Variants in DUOX1 observed in about 807,000 individuals in gnomAD.
DUOX1 encodes the protein dual oxidase 1.
DUOX1 carries 134 observed loss-of-function variants against 181.8 expected under a neutral mutation model. The ratio of observed to expected loss-of-function variants is 0.74; its 90% CI spans 0.64 to 0.85. DUOX1 has a LOEUF of 0.85. Among genes scored for constraint, DUOX1 ranks in the 40% least tolerant of loss-of-function variants. DUOX1 has a pLI of 0.00. For missense variants in DUOX1, 1,814 were observed against 2,064.4 expected (o/e 0.88, Z 2.35); for synonymous variants, 798 against 832.5 (o/e 0.96, Z 0.71).
At chr15:45,143,561 G>A (rs1284855843) in intron 16 of DUOX1, among the ~76,000 whole-genome samples, 1 of 152,108 alleles carries the variant, frequency 6.6e-6, no homozygotes. Context: ...TATGACTTAC[G>A]AATCCCTGGG....
intron 20 of DUOX1, 50 bp downstream of exon 20, chr15:45,148,047 G>C: frequency 6.5e-7 from 1 of 1,537,642 alleles, no homozygotes. Context: ...GGGATGCCAG[G>C]GCAAATAGAT....
intron 10 of DUOX1, 86 bp from the exon 11 acceptor site, chr15:45,138,980 A>G: frequency 2.4e-6 from 3 of 1,225,894 alleles, no homozygotes; most frequent in South Asian, 1.5e-5. Flanking sequence ...GCTCAGGGAT[A>G]AGGATGATGG....
intron 28 of DUOX1, among the ~76,000 whole-genome samples, chr15:45,159,368 C>T (rs868108677): frequency 6.6e-6 from 1 of 152,090 alleles, no homozygotes; most frequent in Non-Finnish European, 1.5e-5. Flanking sequence ...AGCGAGTGGC[C>T]CAAAGTGGGA....
chr15:45,147,302 C>T, intron 18 of DUOX1, 131 bp from the exon 19 acceptor site: 2 of 1,203,148 alleles, frequency 1.7e-6, no homozygotes, highest in Non-Finnish European at 2.3e-6. Flanking sequence ...CCTCAGGCAC[C>T]ACCATAAGGC....
chr15:45,140,376 C>T (rs1405670286), intron 12 of DUOX1: 1 of 225,660 alleles, frequency 4.4e-6, no homozygotes. Flanking sequence ...TCTTTAGCTT[C>T]AAATGGGCCT....
chr15:45,144,021 T>A lies in DUOX1; in HGVS notation c.1937-15T>A. 1 of 1,613,376 alleles carries A rather than the reference T, an allele frequency of 6.2e-7. No homozygotes were observed. The highest frequency in any genetic ancestry group is 1.6e-4 in the Middle Eastern group (1 of 6,062). On this transcript the variant is annotated splice_polypyrimidine_tract_variant and intron_variant, in intron 16 of 33. Coordinates refer to ENST00000389037, the MANE Select transcript of DUOX1 (RefSeq NM_175940.3). The stretch of plus-strand genomic sequence containing the variant: ...ATGGGTCCCAGCTGACGAAGCCCTG[T>A]CTCTCTCCCCCTAGCTTTGGAATGG...
chr15:45,139,668 A>G (rs962543610), intron 12 of DUOX1, 69 bp downstream of exon 12: 15 of 1,463,626 alleles, frequency 1.0e-5, no homozygotes, highest in Non-Finnish European at 1.3e-5. Flanking sequence ...GACATGGAAG[A>G]TAGGCAGTGA....
intron 9 of DUOX1, 143 bp downstream of exon 9, chr15:45,136,768 A>G (rs1285810350): frequency 1.4e-6 from 1 of 739,474 alleles, no homozygotes; most frequent in South Asian, 1.8e-5. Context: ...GAAGAAAACA[A>G]TTGTTTTAAA....
chr15:45,145,507 G>C (rs1172604493), intron 18 of DUOX1, among the ~76,000 whole-genome samples: 3 of 152,238 alleles, frequency 2.0e-5, no homozygotes, highest in African/African-American at 7.2e-5. Context: ...ACTTCTGAGA[G>C]AGACTGGGAG....
At chr15:45,163,743 C>T in intron 32 of DUOX1, 47 bp from the exon 33 acceptor site, 1 of 1,613,606 alleles carries the variant, frequency 6.2e-7, no homozygotes, top group Non-Finnish European at 8.5e-7. Flanking sequence ...TAGGAATTGA[C>T]CCTAGCTGTG....
In DUOX1 at chr15:45,134,132, C is replaced by T. The variant is rs761356493; in HGVS notation, c.143-13C>T. 1 of 1,547,398 alleles carries T rather than the reference C, an allele frequency of 6.5e-7. No homozygotes were observed. Among genetic ancestry groups the T allele is most frequent in the East Asian group, 2.3e-5 (1 of 43,874 alleles). ...CTGAAGATTCATCCTTATCCTTACC[C>T]CTCCTACCCCAGGCTCCCGGCTGCA... On this transcript the variant is annotated splice_polypyrimidine_tract_variant and intron_variant, in intron 3 of 33. Transcript: ENST00000389037.
At position 45,139,896 on chromosome 15, in the gene DUOX1, G is replaced by C. The variant is rs60484916; in HGVS notation, c.1389+297G>C. ...ACTGTTCTCTCCACCCTCCTGAGTG[G>C]GTATAGAAGGTCCTTGACTTAGGAA... On this transcript the variant is annotated intron_variant, in intron 12 of 33. Coordinates refer to ENST00000389037, the MANE Select transcript of DUOX1 (RefSeq NM_175940.3). 4,898 of 576,962 alleles carry C rather than the reference G, an allele frequency of 8.5e-3. 125 individuals are homozygous for C. The highest frequency in any genetic ancestry group is 0.054 in the African/African-American group (2,892 of 53,992). The allele number at this position is 576,962 out of a possible 1,614,324, so 35.7% of individuals were successfully genotyped here.
At chr15:45,136,724 G>A in intron 9 of DUOX1, 99 bp downstream of exon 9, 2 of 1,108,692 alleles carry the variant, frequency 1.8e-6, no homozygotes, top group Non-Finnish European at 2.7e-6. Context: ...TTATCAGTCT[G>A]AAGTGTCCCC....
Position 45,144,849 on chromosome 15 carries a change from A to G in DUOX1, c.2137-46A>G, listed in dbSNP as rs1451849920. 5.1e-6 allele frequency: 8 copies of G among 1,556,042 alleles called. No homozygotes were observed. The East Asian group carries it at 1.8e-4, about 35-fold the overall frequency. ...TAATCCACATAAACTGCCTAACCTC[A>G]AGAGGCCTTGGCAAATGGTTGCTTT... On this transcript the variant is annotated intron_variant, in intron 17 of 33. Transcript: ENST00000389037.
In DUOX1 at chr15:45,139,983, G is replaced by A. The variant is rs577807246; in HGVS notation, c.1389+384G>A. ...TTTCAGGAGTCAGCTGTTACACCCTGAGCTACCACCTGGACTGGTGGCCCA... is the reference window on the plus strand; with the variant it reads ...TTTCAGGAGTCAGCTGTTACACCCTAAGCTACCACCTGGACTGGTGGCCCA... On this transcript the variant is annotated intron_variant, in intron 12 of 33. Transcript: ENST00000389037. 421 of 956,360 alleles carry A rather than the reference G, an allele frequency of 4.4e-4. 3 individuals are homozygous for A. In the South Asian group the frequency reaches 5.0e-3, roughly 11 times the overall value. 59.2% of individuals were successfully genotyped at this position (956,360 alleles called of 1,614,324 possible).
In DUOX1 at chr15:45,143,152, C is replaced by T. The variant is rs371160776; in HGVS notation, c.1823-38C>T. On this transcript the variant is annotated intron_variant, in intron 15 of 33. Transcript: ENST00000389037. ...AAGGAGCTGCTTCCATCCCCTAGAC[C>T]CCCACGTCTCCCTGAACCTCTGCCT... 5.2e-5 allele frequency: 80 copies of T among 1,539,522 alleles called. No homozygotes were observed. The African/African-American group carries it at 9.9e-4, about 19-fold the overall frequency.
rs757058862 is a variant in DUOX1, at chr15:45,153,493, AATGTGTGTGTGTGTGT to A, written c.3524+15_3524+30del. 1.0e-3 allele frequency: 1,207 copies of A among 1,190,986 alleles called. 6 individuals carry two copies. Among genetic ancestry groups the A allele is most frequent in the Admixed American group, 1.8e-3 (101 of 57,446 alleles). The allele number at this position is 1,190,986 out of a possible 1,614,324, so 73.8% of individuals were successfully genotyped here. Reference sequence around the variant, plus strand: ...CCATGATGATGGGTGAGTAAGTGCGAATGTGTGTGTGTGTGTGTGTGTGTGTGTGTGTGTGTGTGTG... The same window carrying A: ...CCATGATGATGGGTGAGTAAGTGCGAGTGTGTGTGTGTGTGTGTGTGTGTG... On this transcript the variant is annotated intron_variant, in intron 26 of 33. Transcript: ENST00000389037.
chr15:45,141,751 C>CGTGTGTGTGTGTGT (rs5812287), intron 14 of DUOX1, among the ~76,000 whole-genome samples: 2 of 148,588 alleles, frequency 1.3e-5, no homozygotes, highest in African/African-American at 5.0e-5. Flanking sequence ...GTGAGGGAAG[C>CGTGTGTGTGTGTGT]GTGTGTGTGT....
chr15:45,143,352 G>C (rs373763083), intron 16 of DUOX1, 49 bp downstream of exon 16: 1 of 1,469,240 alleles, frequency 6.8e-7, no homozygotes, highest in African/African-American at 1.4e-5. Flanking sequence ...ATGGCTCAGC[G>C]CTACAGCTAC....
Sources: gnomAD v4.1 joint callset for allele counts (sites outside exome capture counted in the v4.1 genomes callset) on GRCh38, gnomAD v4.1.1 for gene constraint, MANE v1.5 for transcripts, NCBI Gene and HGNC (gene_info 2026-07-23, HGNC 2026-07-21) for gene names.